MANBA: variants seen among roughly 807,000 people sequenced by gnomAD.
MANBA encodes beta-mannosidase.
A neutral mutation model predicts 111.1 loss-of-function variants in MANBA; 83 were observed. The observed-to-expected ratio is 0.75, with a 90% CI of 0.63 to 0.90. The LOEUF is 0.90. Among genes scored for constraint, MANBA ranks in the 40% least tolerant of loss-of-function variants. The pLI is 0.00. For missense variants in MANBA, 1,036 were observed against 1,069.0 expected, an observed-to-expected ratio of 0.97 and a Z score of 0.43; for synonymous variants, 370 against 378.7, an observed-to-expected ratio of 0.98 and a Z score of 0.27.
At chr4:102,713,168 C>T (rs1027836675) in intron 5 of MANBA, among the ~76,000 whole-genome samples, 4 of 152,206 alleles carry the variant, frequency 2.6e-5, no homozygotes, top group Non-Finnish European at 5.9e-5. Flanking sequence ...AAGCTAAGGT[C>T]ACCAGGGCTC....
chr4:102,633,943 T>A (rs1452923545), intron 16 of MANBA, among the ~76,000 whole-genome samples: 1 of 152,224 alleles, frequency 6.6e-6, no homozygotes, highest in Non-Finnish European at 1.5e-5. Context: ...TGTTTTTATA[T>A]GATTATTTCT....
chr4:102,737,359 C>A (rs1355829246), intron 1 of MANBA, among the ~76,000 whole-genome samples: 1 of 152,134 alleles, frequency 6.6e-6, no homozygotes, highest in African/African-American at 2.4e-5. Flanking sequence ...AGATCTCAGT[C>A]CTGCTCACCG....
chr4:102,657,229 G>GGGGGGGT (rs1730601082), intron 12 of MANBA, among the ~76,000 whole-genome samples: 1 of 118,778 alleles, frequency 8.4e-6, no homozygotes, highest in African/African-American at 3.0e-5. Flanking sequence ...GGGTGGGGGG[G>GGGGGGGT]GGGTGGGCGG....
intron 1 of MANBA, among the ~76,000 whole-genome samples, chr4:102,755,955 A>T (rs1365117719): frequency 6.6e-6 from 1 of 152,262 alleles, no homozygotes; most frequent in Non-Finnish European, 1.5e-5. Context: ...AATGGTGATC[A>T]TTAAAAAGTC....
chr4:102,724,052 A>G, intron 2 of MANBA, 85 bp from the exon 3 acceptor site: 1 of 739,348 alleles, frequency 1.4e-6, no homozygotes, highest in South Asian at 1.6e-5. Flanking sequence ...AGGCCTAAAG[A>G]AATAAATATT....
At chr4:102,722,763 A>G (rs1722633859) in intron 4 of MANBA, 108 bp downstream of exon 4, 1 of 1,139,850 alleles carries the variant, frequency 8.8e-7, no homozygotes, top group African/African-American at 1.5e-5. Context: ...GGATCAGGAA[A>G]GAGATTCCTA....
chr4:102,654,337 GTA>G (rs1730465700), intron 12 of MANBA, among the ~76,000 whole-genome samples: 1 of 152,124 alleles, frequency 6.6e-6, no homozygotes, highest in South Asian at 2.1e-4. Flanking sequence ...ATTTCACAAT[GTA>G]TATATGTTTC....
chr4:102,741,482 G>A (rs1723402158), intron 1 of MANBA, among the ~76,000 whole-genome samples: 1 of 152,090 alleles, frequency 6.6e-6, no homozygotes, highest in Non-Finnish European at 1.5e-5. Context: ...AAAGACACTT[G>A]GATACACATG....
At position 102,657,172 on chromosome 4, in the gene MANBA, A is replaced by T. The variant is rs565990236; in HGVS notation, c.1704+510T>A. ...ACAGAGAGAGTGAAAATCCATACAG[A>T]AAATAAAACACACCAACATGATGAA... On this transcript the variant is annotated intron_variant, in intron 12 of 16. Transcript: ENST00000647097. 1.1e-3 allele frequency among the ~76,000 whole-genome samples: 155 copies of T among 142,078 alleles called. 5 individuals are homozygous for T. The South Asian group carries it at 0.035, about 32-fold the overall frequency. The allele number at this position is 142,078 out of a possible 152,430, so 93.2% of individuals were successfully genotyped here. A position where few individuals can be genotyped will look rare whatever the true frequency, so the allele number is the denominator to read the frequency against.
rs1405068879 is a variant in MANBA, at chr4:102,634,906, C to T, written c.2297G>A (p.Arg766Gln). 7 of 1,614,082 alleles carry T rather than the reference C, an allele frequency of 4.3e-6. No homozygotes were observed. The highest frequency in any genetic ancestry group is 3.3e-5 in the South Asian group (3 of 91,086). ...ELLRRCGNCT[R>Q]ESCVVSFYLS... ...GTAAAAGGAAACCACACAGCTTTCC[C>T]GTGTGCAATTCCCACATCTCCTCAG... Residue 766 changes from arginine (R) to glutamine (Q), a missense_variant, in exon 16 of 17, where the codon CGG (arginine) becomes CAG (glutamine). Coordinates refer to ENST00000647097, the MANE Select transcript of MANBA (RefSeq NM_005908.4).
At chr4:102,658,514 C>G (rs1246219434) in intron 11 of MANBA, among the ~76,000 whole-genome samples, 3 of 152,140 alleles carry the variant, frequency 2.0e-5, no homozygotes, top group Non-Finnish European at 4.4e-5. Context: ...AGGTCTAAGC[C>G]TTGGTAGATT....
rs552733620 is a variant in MANBA, at chr4:102,646,419, C to G, written c.1869+4118G>C. On this transcript the variant is annotated intron_variant, in intron 13 of 16. Coordinates refer to ENST00000647097, the MANE Select transcript of MANBA (RefSeq NM_005908.4). Reference sequence around the variant, plus strand: ...CCTACAGCATCACCTACCTTTTGTCCTAGTTCTTATGATCAAGTTACTTAC... The same window carrying G: ...CCTACAGCATCACCTACCTTTTGTCGTAGTTCTTATGATCAAGTTACTTAC... 2.6e-5 allele frequency among the ~76,000 whole-genome samples: 4 copies of G among 152,188 alleles called. No homozygotes were observed. The South Asian group carries it at 6.2e-4, about 24-fold the overall frequency.
At chr4:102,729,189 C>T in intron 1 of MANBA, 1 of 724,700 alleles carries the variant, frequency 1.4e-6, no homozygotes. Flanking sequence ...CCAGGGAAGC[C>T]CTCTGGCCTT....
At chr4:102,711,857 G>A (rs1234073724) in intron 5 of MANBA, among the ~76,000 whole-genome samples, 1 of 152,158 alleles carries the variant, frequency 6.6e-6, no homozygotes, top group Non-Finnish European at 1.5e-5. Context: ...AGGTAAAAAT[G>A]TTGATCTCAT....
chr4:102,668,310 T>A (rs1211051939), intron 10 of MANBA: 1 of 153,454 alleles, frequency 6.5e-6, no homozygotes, highest in Non-Finnish European at 1.5e-5. Flanking sequence ...ATATCCAGGA[T>A]CATTTTATAT....
At chr4:102,720,801 CAA>C (rs563658652) in intron 4 of MANBA, among the ~76,000 whole-genome samples, 2 of 152,174 alleles carry the variant, frequency 1.3e-5, no homozygotes, top group East Asian at 3.9e-4. Context: ...GTAATTTGAA[CAA>C]ATGGTCAATG....
intron 5 of MANBA, among the ~76,000 whole-genome samples, chr4:102,713,820 C>T (rs772077293): frequency 4.7e-5 from 7 of 149,008 alleles, no homozygotes; most frequent in South Asian, 2.1e-4. Context: ...CGCTTGAACC[C>T]GGGAGGCAGA....
intron 5 of MANBA, among the ~76,000 whole-genome samples, chr4:102,709,531 G>A (rs1412989073): frequency 6.6e-6 from 1 of 152,032 alleles, no homozygotes; most frequent in Non-Finnish European, 1.5e-5. Context: ...AAAAATCCAG[G>A]ACTGGATGCC....
At chr4:102,745,814 C>CT (rs1410738553) in intron 1 of MANBA, among the ~76,000 whole-genome samples, 1 of 152,202 alleles carries the variant, frequency 6.6e-6, no homozygotes, top group Non-Finnish European at 1.5e-5. Flanking sequence ...ATTCCTATGA[C>CT]TCTTCTCCAG....
Sources: gnomAD v4.1 joint callset for allele counts (sites outside exome capture counted in the v4.1 genomes callset) on GRCh38, gnomAD v4.1.1 for gene constraint, MANE v1.5 for transcripts, NCBI Gene and HGNC (gene_info 2026-07-23, HGNC 2026-07-21) for gene names.